AP3M2: variants seen among roughly 807,000 people sequenced by gnomAD.
AP3M2 encodes the protein adaptor related protein complex 3 subunit mu 2.
A neutral mutation model predicts 41.6 loss-of-function variants in AP3M2; 28 were observed. The observed-to-expected ratio is 0.67, with a 90% confidence interval of 0.50 to 0.92. AP3M2 has a LOEUF of 0.92. AP3M2 is among the 40% of genes least tolerant of loss of function. The probability of loss-of-function intolerance (pLI) is 0.00; values close to 1 mark genes in which losing one functional copy is unlikely to be tolerated. For synonymous variants in AP3M2, 193 were observed against 186.4 expected, an observed-to-expected ratio of 1.04 and a Z score of -0.29; for missense variants, 427 against 521.4, an observed-to-expected ratio of 0.82 and a Z score of 1.76.
At chr8:42,154,093 G>A (rs985917647) in intron 1 of AP3M2, 1 of 151,072 alleles carries the variant, frequency 6.6e-6, no homozygotes, top group African/African-American at 2.4e-5. Context: ...TTTTTTTCAT[G>A]CAAAGCCTTT....
chr8:42,155,451 A>G (rs1804329909), intron 2 of AP3M2, among the ~76,000 whole-genome samples: 1 of 152,228 alleles, frequency 6.6e-6, no homozygotes, highest in Admixed American at 6.5e-5. Flanking sequence ...TTATAGTGAG[A>G]GAGTGGTACT....
In AP3M2 at chr8:42,154,849, C is replaced by G. The variant is rs756374378; in HGVS notation, c.162C>G (p.His54Gln). The G allele has an allele frequency of 6.2e-7, 1 of 1,614,072 alleles. No individual in the cohort carries two copies. The highest frequency in any genetic ancestry group is 8.5e-7 in the Non-Finnish European group (1 of 1,180,048). ...NVPPVIPTPHHYLLSVYRHKI... is the reference protein window; with the variant it reads ...NVPPVIPTPHQYLLSVYRHKI... ...CTCCGGTTATCCCTACCCCTCACCA[C>G]TATCTCTTAAGTGTTTACCGCCACA... is the stretch of plus-strand genomic sequence containing the variant. Residue 54 changes from histidine (H) to glutamine (Q), a missense_variant, in exon 2 of 9, where the codon CAC (histidine) becomes CAG (glutamine). By Grantham distance (24) the His-to-Gln change is conservative. Around this residue, in one of 3 missense-constraint regions of AP3M2, gnomAD observed 104 missense variants for 93.8 expected, o/e 1.11. Transcript: ENST00000396926.
intron 2 of AP3M2, chr8:42,155,908 A>T: frequency 2.2e-6 from 1 of 449,496 alleles, no homozygotes; most frequent in Non-Finnish European, 4.5e-6. Context: ...TATCTGCACC[A>T]CGTCTAGAAC....
intron 2 of AP3M2, among the ~76,000 whole-genome samples, chr8:42,157,082 G>A (rs1251988882): frequency 6.6e-6 from 1 of 152,134 alleles, no homozygotes; most frequent in East Asian, 1.9e-4. Context: ...AGAGGTCCTG[G>A]AAAAGACATA....
At chr8:42,162,640 T>C (rs77346091) in intron 4 of AP3M2, among the ~76,000 whole-genome samples, 1,945 of 152,038 alleles carry the variant, frequency 0.013, 15 homozygotes, top group Non-Finnish European at 0.022. Context: ...TCTTATCCTC[T>C]TGAATAAAAA....
intron 6 of AP3M2, among the ~76,000 whole-genome samples, chr8:42,166,605 A>AAAAAAAAAAAAAAAAAAAAAT (rs1804644423): frequency 6.6e-6 from 1 of 150,720 alleles, no homozygotes; most frequent in South Asian, 2.1e-4. Flanking sequence ...AAAAAAAAAA[A>AAAAAAAAAAAAAAAAAAAAAT]AAAAAGTAAA....
Position 42,167,788 on chromosome 8 carries a change from G to A in AP3M2, c.1134G>A (p.Lys378=). ...ACCCCACAATTAACCTGCAGTTTAA[G>A]ATCCAGCAGCTGGCCATTTCTGGTA... is the stretch of plus-strand genomic sequence containing the variant. ...DENPTINLQF[K]IQQLAISGLK... is the part of the protein sequence containing the mutation. The change falls in exon 8 of 9, where the codon AAG becomes AAA. Residue 378 remains lysine, a synonymous_variant. Transcript: ENST00000396926. 6.2e-7 allele frequency: 1 copy of A among 1,613,200 alleles called. No individual in the cohort carries two copies. The highest frequency in any genetic ancestry group is 1.1e-5 in the South Asian group (1 of 90,828).
intron 1 of AP3M2, chr8:42,154,362 A>G (rs917609476): frequency 4.7e-6 from 1 of 213,686 alleles, no homozygotes; most frequent in South Asian, 9.0e-5. Context: ...GGTTGAGAAA[A>G]TAGACACCCA....
chr8:42,167,521 G>A, intron 7 of AP3M2, 145 bp from the exon 8 acceptor site: 1 of 1,361,582 alleles, frequency 7.3e-7, no homozygotes, highest in Non-Finnish European at 1.0e-6. Context: ...GTAACACGTA[G>A]GATTCTCAAT....
In AP3M2 at chr8:42,169,741, C is replaced by T. The variant is rs1215763780; in HGVS notation, c.*680C>T. 6.6e-6 allele frequency: 1 copy of T among 152,186 alleles called. No homozygotes were observed. Among genetic ancestry groups the T allele is most frequent in the Non-Finnish European group, 1.5e-5 (1 of 68,040 alleles). 9.4% of individuals were successfully genotyped at this position (152,186 alleles called of 1,614,324 possible). A position where few individuals can be genotyped will look rare whatever the true frequency, so the allele number is the denominator to read the frequency against. ...GGAAACCCCAGTGGAATCAGATTTT[C>T]CCTCAAAGACCATGATGGTATCGGA... On this transcript the variant is annotated 3_prime_UTR_variant, in exon 9 of 9. Transcript: ENST00000396926.
Position 42,167,744 on chromosome 8 carries a change from G to A in AP3M2, c.1090G>A (p.Ala364Thr). The A allele has an allele frequency of 6.2e-7, 1 of 1,614,178 alleles. No homozygotes were observed. The highest frequency in any genetic ancestry group is 1.1e-5 in the South Asian group (1 of 91,068). ...GGGGACCATGAGTCTTCAGGCTGGA[G>A]CTTCCAAACCAGATGAAAACCCCAC... ...LKGTMSLQAG[A>T]SKPDENPTIN... Residue 364 changes from alanine to threonine, a missense_variant, in exon 8 of 9, where the codon GCT becomes ACT. Ala to Thr is a moderately conservative substitution (Grantham distance 58). Around this residue, in one of 3 missense-constraint regions of AP3M2, gnomAD observed 237 missense variants for 284.9 expected, o/e 0.83. Transcript: ENST00000396926.
intron 8 of AP3M2, chr8:42,168,138 C>T (rs1253744415): frequency 2.0e-6 from 1 of 506,648 alleles, no homozygotes; most frequent in Non-Finnish European, 3.8e-6. Flanking sequence ...GTATGAGAAT[C>T]CATGTGCATT....
intron 4 of AP3M2, 44 bp downstream of exon 4, chr8:42,162,462 G>T (rs1379952626): frequency 6.4e-7 from 1 of 1,560,918 alleles, no homozygotes; most frequent in Non-Finnish European, 8.7e-7. Context: ...AAATAGAAAG[G>T]GACCTCTTTC....
At chr8:42,153,718 C>A (rs1804274936) in intron 1 of AP3M2, 2 of 151,396 alleles carry the variant, frequency 1.3e-5, no homozygotes, top group African/African-American at 4.9e-5. Context: ...CCGGGCTGAT[C>A]TCGAACTCGT....
intron 3 of AP3M2, among the ~76,000 whole-genome samples, chr8:42,159,345 T>C (rs1804444563): frequency 6.6e-6 from 1 of 152,234 alleles, no homozygotes; most frequent in South Asian, 2.1e-4. Flanking sequence ...CAATTTATAC[T>C]TTCAGTAACA....
intron 6 of AP3M2, 36 bp from the exon 7 acceptor site, chr8:42,167,128 G>A: frequency 1.3e-6 from 2 of 1,590,762 alleles, no homozygotes; most frequent in Non-Finnish European, 1.7e-6. Context: ...TTTTCCCAGT[G>A]CACGAATGAA....
At chr8:42,161,560 G>A (rs901691543) in intron 3 of AP3M2, among the ~76,000 whole-genome samples, 8 of 152,038 alleles carry the variant, frequency 5.3e-5, no homozygotes, top group Non-Finnish European at 1.2e-4. Context: ...AGTAAGCCAA[G>A]ACTGCACCAC....
intron 1 of AP3M2, chr8:42,153,983 G>A (rs1353242543): frequency 6.6e-6 from 1 of 151,880 alleles, no homozygotes; most frequent in African/African-American, 2.4e-5. Context: ...TAATAAAACA[G>A]GTTAAATTAA....
At chr8:42,157,841 T>A in intron 2 of AP3M2, 100 bp from the exon 3 acceptor site, 1 of 1,177,500 alleles carries the variant, frequency 8.5e-7, no homozygotes, top group East Asian at 2.5e-5. Flanking sequence ...CAGAAACACA[T>A]GGACAGGCCA....
Sources: gnomAD v4.1 joint callset for allele counts (sites outside exome capture counted in the v4.1 genomes callset) on GRCh38, gnomAD v4.1.1 for gene constraint, gnomAD v4.1.1 regional missense constraint, MANE v1.5 for transcripts, NCBI Gene and HGNC (gene_info 2026-07-23, HGNC 2026-07-21) for gene names.